SATL1: variants seen among roughly 807,000 people sequenced by gnomAD.
The protein encoded by SATL1 is spermidine/spermine N1-acetyl transferase like 1.
SATL1 carries 47 observed loss-of-function variants against 51.8 expected under a neutral mutation model. The observed-to-expected ratio is 0.91, with a 90% CI of 0.72 to 1.16. The LOEUF (loss-of-function observed/expected upper bound fraction) is 1.16. Ranked by LOEUF, SATL1 falls within the 50% of genes most tolerant of loss-of-function variation. SATL1 has a pLI of 0.00. For synonymous variants in SATL1, 176 were observed against 182.4 expected, an observed-to-expected ratio of 0.97 and a Z score of 0.28; for missense variants, 520 against 526.4, an observed-to-expected ratio of 0.99 and a Z score of 0.12.
intron 1 of SATL1, 70 bp from the exon 2 acceptor site, chrX:85,224,396 C>A (rs1928236008): frequency 9.0e-6 from 1 of 111,187 alleles, no homozygotes; most frequent in African/African-American, 3.3e-5. Context: ...GTTTACAGAT[C>A]CCAGGAATTA....
chrX:85,191,495 C>T (rs1927438103), intron 2 of SATL1, among the ~76,000 whole-genome samples: 2 of 111,227 alleles, frequency 1.8e-5, no homozygotes, highest in African/African-American at 3.3e-5. Flanking sequence ...GGGTTAGGAG[C>T]ACTGACACCA....
chrX:85,108,389 A>C lies in SATL1; in HGVS notation c.580T>G (p.Trp194Gly). 1 of 1,209,932 alleles carries C rather than the reference A, an allele frequency of 8.3e-7. No homozygotes were observed. Among genetic ancestry groups the C allele is most frequent in the Non-Finnish European group, 1.1e-6 (1 of 894,974 alleles). The change falls in exon 3 of 8, where the codon TGG becomes GGG. Residue 194 changes from tryptophan (W) to glycine (G), a missense_variant. Physicochemically the swap from Trp to Gly is radical, Grantham distance 184. Transcript: ENST00000644105. ...RQPNMSPPGM[W>G]QPGVQQPGIS... Reference sequence around the variant, plus strand: ...CCTGGTTGTTGCACGCCTGGTTGCCACATGCCTGGTGGACTCATGTTTGGT... The same window carrying C: ...CCTGGTTGTTGCACGCCTGGTTGCCCCATGCCTGGTGGACTCATGTTTGGT...
At chrX:85,188,561 A>C (rs1445806721) in intron 2 of SATL1, among the ~76,000 whole-genome samples, 1 of 111,222 alleles carries the variant, frequency 9.0e-6, no homozygotes, top group East Asian at 2.8e-4. Context: ...TGAGAGGATC[A>C]CTTGAGCCCA....
chrX:85,148,300 A>C (rs921233799), intron 2 of SATL1, among the ~76,000 whole-genome samples: 1 of 110,780 alleles, frequency 9.0e-6, no homozygotes, highest in Non-Finnish European at 1.9e-5. Context: ...AGCCTCCAGG[A>C]AATATGGGAC....
At chrX:85,231,276 A>G (rs921872406) in intron 1 of SATL1, among the ~76,000 whole-genome samples, 2 of 112,225 alleles carry the variant, frequency 1.8e-5, no homozygotes, top group Non-Finnish European at 3.8e-5. Flanking sequence ...AAGCTGGAGG[A>G]CATTATGCTA....
intron 2 of SATL1, among the ~76,000 whole-genome samples, chrX:85,144,965 A>C (rs1170826511): frequency 9.0e-6 from 1 of 110,667 alleles, no homozygotes; most frequent in Non-Finnish European, 1.9e-5. Context: ...TGAGTCTGGG[A>C]GGTAGATGCT....
chrX:85,192,611 C>T (rs67301858), intron 2 of SATL1, among the ~76,000 whole-genome samples: 14,257 of 111,075 alleles, frequency 0.13, 713 homozygotes, highest in South Asian at 0.18. Flanking sequence ...TTGTAGAATA[C>T]TTCACTGATG....
At chrX:85,139,919 G>A (rs1022029499) in intron 2 of SATL1, among the ~76,000 whole-genome samples, 1 of 111,379 alleles carries the variant, frequency 9.0e-6, no homozygotes, top group Non-Finnish European at 1.9e-5. Flanking sequence ...CACACAGTGA[G>A]CAAGCCCATG....
At chrX:85,118,966 A>G in intron 2 of SATL1, among the ~76,000 whole-genome samples, 1 of 111,910 alleles carries the variant, frequency 8.9e-6, no homozygotes, top group Non-Finnish European at 1.9e-5. Flanking sequence ...CCACAGATCC[A>G]TAGCATTACA....
chrX:85,125,349 G>C (rs993726009), intron 2 of SATL1, among the ~76,000 whole-genome samples: 2 of 111,259 alleles, frequency 1.8e-5, no homozygotes, highest in African/African-American at 6.5e-5. Context: ...ATTGATTTTT[G>C]TTTTAGTTTT....
At chrX:85,208,340 G>A (rs1036721654) in intron 2 of SATL1, among the ~76,000 whole-genome samples, 2 of 111,597 alleles carry the variant, frequency 1.8e-5, no homozygotes, top group African/African-American at 6.5e-5. Context: ...CTTTGCTATT[G>A]TGAATAGTGC....
At chrX:85,102,466 AT>A (rs1225549773) in intron 4 of SATL1, among the ~76,000 whole-genome samples, 2 of 111,875 alleles carry the variant, frequency 1.8e-5, no homozygotes, top group Non-Finnish European at 3.8e-5. Context: ...ATTTAATCAC[AT>A]TTTTTAAAAG....
chrX:85,143,378 G>A (rs1188623051), intron 2 of SATL1: 1 of 111,211 alleles, frequency 9.0e-6, no homozygotes, highest in Non-Finnish European at 1.9e-5. Context: ...AATTGCAGCA[G>A]TCTTTAAATG....
intron 2 of SATL1, among the ~76,000 whole-genome samples, chrX:85,166,872 A>G (rs1051904768): frequency 2.8e-5 from 3 of 106,628 alleles, no homozygotes; most frequent in Non-Finnish European, 5.8e-5. Flanking sequence ...ATATGGAACC[A>G]GTCTAAGTAA....
intron 7 of SATL1, 56 bp from the exon 8 acceptor site, chrX:85,092,617 A>G (rs191665297): frequency 1.6e-4 from 171 of 1,055,337 alleles, no homozygotes; most frequent in Middle Eastern, 1.5e-3. Flanking sequence ...AATCTTCGTT[A>G]ACACATATAT....
At chrX:85,204,898 G>T (rs574152235) in intron 2 of SATL1, among the ~76,000 whole-genome samples, 1 of 112,019 alleles carries the variant, frequency 8.9e-6, no homozygotes. Context: ...ACCAACCTTG[G>T]ACTAAAGCTG....
chrX:85,237,573 T>C (rs1928505116), intron 1 of SATL1, among the ~76,000 whole-genome samples: 2 of 111,256 alleles, frequency 1.8e-5, no homozygotes, highest in Admixed American at 1.9e-4. Context: ...TCCAAATAGA[T>C]TAACTACTCA....
intron 1 of SATL1, among the ~76,000 whole-genome samples, chrX:85,235,681 C>T (rs1290260121): frequency 9.1e-6 from 1 of 109,960 alleles, no homozygotes; most frequent in Non-Finnish European, 1.9e-5. Context: ...TGAGATATAG[C>T]CAAAGCAGTA....
chrX:85,173,697 GT>G (rs1242798468), intron 2 of SATL1, among the ~76,000 whole-genome samples: 1 of 110,145 alleles, frequency 9.1e-6, no homozygotes, highest in African/African-American at 3.3e-5. Flanking sequence ...AAATTGTAAG[GT>G]TTTAAGTGTA....
Sources: gnomAD v4.1 joint callset for allele counts (sites outside exome capture counted in the v4.1 genomes callset) on GRCh38, gnomAD v4.1.1 for gene constraint, MANE v1.5 for transcripts, NCBI Gene and HGNC (gene_info 2026-07-23, HGNC 2026-07-21) for gene names.